Variants in GNAQ observed in about 807,000 individuals in gnomAD.
GNAQ encodes the protein guanine nucleotide-binding protein G(q) subunit alpha.
In GNAQ, 8 loss-of-function variants were observed where a neutral mutation model predicts 43.9. The ratio of observed to expected loss-of-function variants is 0.18; its 90% CI spans 0.11 to 0.33. The LOEUF is 0.33. Ranked by LOEUF, GNAQ falls within the 10% of genes least tolerant of loss-of-function variation. The pLI is 1.00. For synonymous variants in GNAQ, 155 were observed against 170.7 expected, an observed-to-expected ratio of 0.91 and a Z score of 0.71; for missense variants, 158 against 450.8, an observed-to-expected ratio of 0.35 and a Z score of 5.88.
chr9:77,812,092 A>C (rs370451815), intron 3 of GNAQ, among the ~76,000 whole-genome samples: 2 of 152,222 alleles, frequency 1.3e-5, no homozygotes, highest in Non-Finnish European at 2.9e-5. Flanking sequence ...GATTAATCAA[A>C]TAGCTGAAGA....
intron 2 of GNAQ, among the ~76,000 whole-genome samples, chr9:77,829,031 G>A (rs1037953831): frequency 6.6e-6 from 1 of 152,166 alleles, no homozygotes; most frequent in African/African-American, 2.4e-5. Context: ...TTTAGGTGCT[G>A]GATCACAAAA....
At chr9:77,862,538 C>T (rs1827871248) in intron 2 of GNAQ, among the ~76,000 whole-genome samples, 2 of 152,174 alleles carry the variant, frequency 1.3e-5, no homozygotes, top group African/African-American at 4.8e-5. Context: ...AGCAGCTGGG[C>T]CACAGGGCAC....
At chr9:77,917,788 C>T (rs553629742) in intron 2 of GNAQ, among the ~76,000 whole-genome samples, 3 of 152,284 alleles carry the variant, frequency 2.0e-5, no homozygotes, top group South Asian at 4.1e-4. Flanking sequence ...AGTCCTAAGA[C>T]GTATGTCTTC....
At chr9:77,989,713 T>C (rs2118517774) in intron 1 of GNAQ, among the ~76,000 whole-genome samples, 1 of 152,326 alleles carries the variant, frequency 6.6e-6, no homozygotes, top group South Asian at 2.1e-4. Flanking sequence ...GACTGCTCCA[T>C]ACATGAAGGA....
chr9:77,865,905 A>G (rs1033133712), intron 2 of GNAQ, among the ~76,000 whole-genome samples: 2 of 152,350 alleles, frequency 1.3e-5, no homozygotes, highest in East Asian at 1.9e-4. Context: ...AATGGTTACT[A>G]AAGATTTACT....
rs935051738 is a variant in GNAQ at position 77,718,050 on chromosome 9, G to GA, written c.*3272dup. On this transcript the variant is annotated 3_prime_UTR_variant, in exon 7 of 7. Transcript: ENST00000286548. The stretch of plus-strand genomic sequence containing the variant: ...AGAACTGCCATGTCACGCAAAAAGG[G>GA]AAAAATCATCTGTAAACTGGTACAC... The GA allele has an allele frequency of 4.3e-6, 1 of 232,776 alleles. No homozygotes were observed. The highest frequency in any genetic ancestry group is 5.6e-5 in the Admixed American group (1 of 17,760). The allele number at this position is 232,776 out of a possible 1,614,324, so 14.4% of individuals were successfully genotyped here.
At chr9:78,011,262 T>C (rs573632017) in intron 1 of GNAQ, among the ~76,000 whole-genome samples, 1 of 152,268 alleles carries the variant, frequency 6.6e-6, no homozygotes, top group South Asian at 2.1e-4. Flanking sequence ...TATACCATCA[T>C]CTTCCAGTCC....
intron 1 of GNAQ, among the ~76,000 whole-genome samples, chr9:78,003,458 A>G (rs4745686): frequency 0.41 from 61,898 of 152,034 alleles, 13,254 homozygotes; most frequent in Admixed American, 0.49. Flanking sequence ...ACCTTCAGAG[A>G]TGACGAACCA....
At chr9:77,980,528 AAAAATAGCCCCTTTTATT>A (rs1296201273) in intron 1 of GNAQ, among the ~76,000 whole-genome samples, 6 of 152,230 alleles carry the variant, frequency 3.9e-5, no homozygotes, top group Non-Finnish European at 8.8e-5. Flanking sequence ...TGGGATATTA[AAAAATAGCCCCTTTTATT>A]ACAGTTCTGA....
intron 1 of GNAQ, among the ~76,000 whole-genome samples, chr9:77,980,262 G>A (rs1823353006): frequency 6.6e-6 from 1 of 152,188 alleles, no homozygotes; most frequent in African/African-American, 2.4e-5. Context: ...AGCCCCTGGT[G>A]CTCATAAACC....
Position 77,985,158 on chromosome 9 carries a change from A to C in GNAQ, c.136+45942T>G, listed in dbSNP as rs559183701. ...ACTCCGTCTCTACTAAAAATACAAA[A>C]AATTAGCCAGGCATGGTGGTAGGTG... On this transcript the variant is annotated intron_variant, in intron 1 of 6. Coordinates refer to ENST00000286548, the MANE Select transcript of GNAQ (RefSeq NM_002072.5). Among the ~76,000 whole-genome samples, 180 of 152,174 alleles carry C rather than the reference A, an allele frequency of 1.2e-3. 2 individuals carry two copies. The highest frequency in any genetic ancestry group is 4.1e-3 in the African/African-American group (170 of 41,512).
chr9:77,803,419 G>A (rs1587923530), intron 3 of GNAQ, among the ~76,000 whole-genome samples: 1 of 152,326 alleles, frequency 6.6e-6, no homozygotes, highest in East Asian at 1.9e-4. Flanking sequence ...TGCAAACTGA[G>A]GAGGTGGGAC....
intron 2 of GNAQ, among the ~76,000 whole-genome samples, chr9:77,906,149 G>GTAAT (rs1828705006): frequency 6.6e-6 from 1 of 152,158 alleles, no homozygotes; most frequent in Admixed American, 6.5e-5. Context: ...TACCTGACAT[G>GTAAT]TAATTAGTAT....
At chr9:78,010,354 A>C (rs1823758965) in intron 1 of GNAQ, among the ~76,000 whole-genome samples, 1 of 152,190 alleles carries the variant, frequency 6.6e-6, no homozygotes, top group African/African-American at 2.4e-5. Context: ...GAAGCTAGTT[A>C]CAGGACAGAT....
chr9:77,816,451 T>C (rs1256241703), intron 2 of GNAQ, among the ~76,000 whole-genome samples: 1 of 152,194 alleles, frequency 6.6e-6, no homozygotes, highest in Non-Finnish European at 1.5e-5. Flanking sequence ...CTTGGCTATA[T>C]TCATTTAGCA....
intron 5 of GNAQ, among the ~76,000 whole-genome samples, chr9:77,771,110 A>C (rs1391622979): frequency 6.6e-6 from 1 of 152,208 alleles, no homozygotes; most frequent in East Asian, 1.9e-4. Flanking sequence ...CACTGGTATC[A>C]CTAACACCTA....
chr9:77,940,824 G>A (rs1382224371), intron 1 of GNAQ, among the ~76,000 whole-genome samples: 1 of 151,858 alleles, frequency 6.6e-6, no homozygotes, highest in Non-Finnish European at 1.5e-5. Context: ...AAAATTAGCC[G>A]GGCGTGGTGG....
chr9:78,021,247 A>T (rs1390672968), intron 1 of GNAQ, among the ~76,000 whole-genome samples: 1 of 151,956 alleles, frequency 6.6e-6, no homozygotes, highest in East Asian at 1.9e-4. Flanking sequence ...GCTGGTCTCG[A>T]ACTCTTGGGC....
At chr9:77,895,016 CT>C (rs1436088846) in intron 2 of GNAQ, among the ~76,000 whole-genome samples, 3 of 150,666 alleles carry the variant, frequency 2.0e-5, no homozygotes, top group Admixed American at 2.0e-4. Context: ...GGTGAAACCC[CT>C]GTCTCTACTA....
Sources: gnomAD v4.1 joint callset for allele counts (sites outside exome capture counted in the v4.1 genomes callset) on GRCh38, gnomAD v4.1.1 for gene constraint, MANE v1.5 for transcripts, NCBI Gene and HGNC (gene_info 2026-07-23, HGNC 2026-07-21) for gene names.